The following SLC25A33 variants were observed in gnomAD, a reference collection of about 807,000 sequenced individuals.
The protein encoded by SLC25A33 is bone marrow stromal cell mitochondrial carrier protein.
In SLC25A33, 15 loss-of-function variants were observed where a neutral mutation model predicts 35.5. The ratio of observed to expected loss-of-function variants is 0.42; its 90% CI spans 0.28 to 0.65. The LOEUF (loss-of-function observed/expected upper bound fraction) is 0.65, where lower values mean the gene tolerates loss of function less well. Among genes scored for constraint, SLC25A33 ranks in the 30% least tolerant of loss-of-function variants. The pLI is 0.20. For synonymous variants in SLC25A33, 136 were observed against 148.7 expected, an observed-to-expected ratio of 0.91 and a Z score of 0.62; for missense variants, 257 against 398.5, an observed-to-expected ratio of 0.64 and a Z score of 3.02.
intron 6 of SLC25A33, among the ~76,000 whole-genome samples, 161 bp downstream of exon 6, chr1:9,580,395 C>T (rs931924186): frequency 6.6e-6 from 1 of 152,188 alleles, no homozygotes. Context: ...ACAGAGGTCA[C>T]GTGAGTGGTG....
At chr1:9,580,870 ATAATAAT>A (rs1557539081) in intron 6 of SLC25A33, among the ~76,000 whole-genome samples, 11 of 109,270 alleles carry the variant, frequency 1.0e-4, no homozygotes, top group African/African-American at 3.7e-4. Context: ...AAAAAAAATA[ATAATAAT>A]AATAATAATA....
rs920700631 is a variant in SLC25A33, at chr1:9,578,217, C to T, written c.483-1737C>T. Reference sequence around the variant, plus strand: ...ACAGGTGTGAGCCACCGCACCCGGCCTCTGGATGGTTTTAAGCACGGGAGT... The same window carrying T: ...ACAGGTGTGAGCCACCGCACCCGGCTTCTGGATGGTTTTAAGCACGGGAGT... On this transcript the variant is annotated intron_variant, in intron 5 of 6. Transcript: ENST00000302692. This position sits in a 1 kb window ranked among gnomAD's most constrained non-coding sequence, Gnocchi z 4.3. Among the ~76,000 whole-genome samples, 12 of 152,134 alleles carry T rather than the reference C, an allele frequency of 7.9e-5. No homozygotes were observed. Among genetic ancestry groups the T allele is most frequent in the African/African-American group, 2.9e-4 (12 of 41,418 alleles).
intron 1 of SLC25A33, 95 bp downstream of exon 1, chr1:9,539,842 G>C: frequency 8.7e-7 from 1 of 1,145,504 alleles, no homozygotes; most frequent in Non-Finnish European, 1.1e-6. Flanking sequence ...GCGGTTACCG[G>C]CCTTCCCCGG....
chr1:9,540,457 G>A (rs185929490), intron 1 of SLC25A33, among the ~76,000 whole-genome samples: 5 of 152,172 alleles, frequency 3.3e-5, no homozygotes, highest in Non-Finnish European at 2.9e-5. Context: ...TTCCAGCGGA[G>A]ACAATGCATT....
Position 9,583,391 on chromosome 1 carries a change from A to G in SLC25A33, c.*890A>G, listed in dbSNP as rs569630364. 3.3e-5 allele frequency: 5 copies of G among 152,312 alleles called. No individual in the cohort carries two copies. In the South Asian group the frequency reaches 6.2e-4, roughly 19 times the overall value. 9.4% of individuals were successfully genotyped at this position (152,312 alleles called of 1,614,324 possible). On this transcript the variant is annotated 3_prime_UTR_variant, in exon 7 of 7. Coordinates refer to ENST00000302692, the MANE Select transcript of SLC25A33 (RefSeq NM_032315.3). Reference sequence around the variant, plus strand: ...GAGACTCAATATTTTAAGCTATAAAAAACTTCCTGAAGTTATCCTTTTCTC... The same window carrying G: ...GAGACTCAATATTTTAAGCTATAAAGAACTTCCTGAAGTTATCCTTTTCTC...
At chr1:9,546,639 A>T (rs1382888324) in intron 1 of SLC25A33, among the ~76,000 whole-genome samples, 3 of 152,150 alleles carry the variant, frequency 2.0e-5, no homozygotes, top group African/African-American at 4.8e-5. Flanking sequence ...ATGTTAGTAA[A>T]ACTCTTTAAT....
chr1:9,569,770 G>T (rs755232819), intron 3 of SLC25A33, among the ~76,000 whole-genome samples: 1 of 152,120 alleles, frequency 6.6e-6, no homozygotes, highest in Non-Finnish European at 1.5e-5. Flanking sequence ...GTCAAGGCAG[G>T]GGGTGGCGGA....
chr1:9,544,528 A>G (rs1053123729), intron 1 of SLC25A33, among the ~76,000 whole-genome samples: 15 of 152,022 alleles, frequency 9.9e-5, no homozygotes, highest in African/African-American at 3.6e-4. Context: ...CTCAGCCTCC[A>G]AAAGTGCTGG....
Position 9,570,244 on chromosome 1 carries a change from C to A in SLC25A33, c.315-14C>A. ...TGTGATGATTTCTTTATAATGTTCT[C>A]TTTGTTCTAACAGGGCTGTATACTT... On this transcript the variant is annotated splice_polypyrimidine_tract_variant and intron_variant, in intron 3 of 6. Transcript: ENST00000302692. 1 of 1,608,338 alleles carries A rather than the reference C, an allele frequency of 6.2e-7. No individual in the cohort carries two copies. Among genetic ancestry groups the A allele is most frequent in the Non-Finnish European group, 8.5e-7 (1 of 1,176,854 alleles).
In SLC25A33 at chr1:9,553,604, T is replaced by A. The variant is rs747799265; in HGVS notation, c.57-22T>A. 9.9e-6 allele frequency: 16 copies of A among 1,612,136 alleles called. No homozygotes were observed. In the South Asian group the frequency reaches 1.5e-4, roughly 16 times the overall value. ...GTAGGGAATAGTATAGCTTCTCTGATCTGCTTTGGTTTCCCTTACAGGTGT... is the reference window on the plus strand; with the variant it reads ...GTAGGGAATAGTATAGCTTCTCTGAACTGCTTTGGTTTCCCTTACAGGTGT... On this transcript the variant is annotated intron_variant, in intron 1 of 6. Coordinates refer to ENST00000302692, the MANE Select transcript of SLC25A33 (RefSeq NM_032315.3).
At position 9,584,401 on chromosome 1, in the gene SLC25A33, G is replaced by C. The variant is rs1643781774; in HGVS notation, c.*1900G>C. 1 of 151,982 alleles carries C rather than the reference G, an allele frequency of 6.6e-6. No individual in the cohort carries two copies. Among genetic ancestry groups the C allele is most frequent in the African/African-American group, 2.4e-5 (1 of 41,274 alleles). 9.4% of individuals were successfully genotyped at this position (151,982 alleles called of 1,614,324 possible). ...ACAGTAATGCTATTCCAGAAGTTTT[G>C]TTTTGTTTTGTTTTGAGATGGAGTC... On this transcript the variant is annotated 3_prime_UTR_variant, in exon 7 of 7. Coordinates refer to ENST00000302692, the MANE Select transcript of SLC25A33 (RefSeq NM_032315.3).
chr1:9,541,094 G>T (rs1047851061), intron 1 of SLC25A33, among the ~76,000 whole-genome samples: 3 of 151,114 alleles, frequency 2.0e-5, no homozygotes, highest in Non-Finnish European at 2.9e-5. Flanking sequence ...CGATTCTCCT[G>T]CCTCAGCCTC....
At chr1:9,556,721 CTG>C (rs1213353002) in intron 2 of SLC25A33, among the ~76,000 whole-genome samples, 1 of 150,332 alleles carries the variant, frequency 6.7e-6, no homozygotes, top group African/African-American at 2.5e-5. Context: ...GTCTGTGTGT[CTG>C]TGTGTATCTG....
chr1:9,544,471 G>T (rs1643139067), intron 1 of SLC25A33, among the ~76,000 whole-genome samples: 4 of 152,030 alleles, frequency 2.6e-5, no homozygotes, highest in Admixed American at 2.6e-4. Context: ...GTTTCACCAT[G>T]TTGGCCAGAC....
At position 9,539,626 on chromosome 1, in the gene SLC25A33, C is replaced by G; in HGVS notation, c.-66C>G. The G allele has an allele frequency of 1.6e-6, 2 of 1,250,660 alleles. No homozygotes were observed. Among genetic ancestry groups the G allele is most frequent in the Non-Finnish European group, 2.0e-6 (2 of 981,750 alleles). 77.5% of individuals were successfully genotyped at this position (1,250,660 alleles called of 1,614,324 possible). A position where few individuals can be genotyped will look rare whatever the true frequency, so the allele number is the denominator to read the frequency against. ...GGGGAGACAAGACCCGGCGACCTCG[C>G]GCATCCCTCGAGCCGCCACGCGCTC... On this transcript the variant is annotated 5_prime_UTR_variant, in exon 1 of 7. Coordinates refer to ENST00000302692, the MANE Select transcript of SLC25A33 (RefSeq NM_032315.3).
In SLC25A33 at chr1:9,582,059, C is replaced by T. The variant is rs187518585; in HGVS notation, c.764-240C>T. ...ATTCCTCAGCCACTCTAGTAGTAGG[C>T]GTGCACCACCTTGCCTGGCTAATTT... On this transcript the variant is annotated intron_variant, in intron 6 of 6. Coordinates refer to ENST00000302692, the MANE Select transcript of SLC25A33 (RefSeq NM_032315.3). The surrounding 1 kb of genome is among the most constrained non-coding windows in gnomAD (Gnocchi z 4.0). Among the ~76,000 whole-genome samples, 2 of 152,236 alleles carry T rather than the reference C, an allele frequency of 1.3e-5. No individual in the cohort carries two copies. Among genetic ancestry groups the T allele is most frequent in the Non-Finnish European group, 1.5e-5 (1 of 68,018 alleles).
At chr1:9,567,044 G>A (rs574200185) in intron 2 of SLC25A33, among the ~76,000 whole-genome samples, 203 of 151,740 alleles carry the variant, frequency 1.3e-3, no homozygotes, top group Middle Eastern at 6.8e-3. Flanking sequence ...AAAAAAAAAA[G>A]GGAGAGAAAG....
At chr1:9,579,772 A>C (rs1053302047) in intron 5 of SLC25A33, among the ~76,000 whole-genome samples, 182 bp from the exon 6 acceptor site, 1 of 152,202 alleles carries the variant, frequency 6.6e-6, no homozygotes, top group African/African-American at 2.4e-5. Context: ...GGACTGTCAG[A>C]GGCTGCCCCT....
At chr1:9,572,977 G>C (rs187544647) in intron 4 of SLC25A33, among the ~76,000 whole-genome samples, 1 of 152,090 alleles carries the variant, frequency 6.6e-6, no homozygotes, top group Admixed American at 6.5e-5. Flanking sequence ...AACCAAATAA[G>C]CAGATCAGTC....
Sources: gnomAD v4.1 joint callset for allele counts (sites outside exome capture counted in the v4.1 genomes callset) on GRCh38, gnomAD v4.1.1 for gene constraint, Gnocchi (gnomAD v3.1) non-coding constraint, MANE v1.5 for transcripts, NCBI Gene and HGNC (gene_info 2026-07-23, HGNC 2026-07-21) for gene names.